The following UTP18 variants were observed in gnomAD, a reference collection of about 807,000 sequenced individuals.
The protein encoded by UTP18 is UTP18 small subunit processome component.
A neutral mutation model predicts 61.1 loss-of-function variants in UTP18; 36 were observed. The ratio of observed to expected loss-of-function variants is 0.59; its 90% CI spans 0.45 to 0.78. The LOEUF is 0.78. Among genes scored for constraint, UTP18 ranks in the 30% least tolerant of loss-of-function variants. UTP18 has a pLI of 0.00. For synonymous variants in UTP18, 282 were observed against 251.1 expected (o/e 1.12, Z -1.16); for missense variants, 753 against 693.9 (o/e 1.09, Z -0.96).
chr17:51,275,968 G>A lies in UTP18; in HGVS notation c.814G>A (p.Asp272Asn). 6.2e-7 allele frequency: 1 copy of A among 1,611,382 alleles called. No individual in the cohort carries two copies. The highest frequency in any genetic ancestry group is 1.1e-5 in the South Asian group (1 of 90,628). ...GAQIVMVAGL[D>N]NAVSLFQVDG... is the part of the protein sequence containing the mutation. Reference sequence around the variant, plus strand: ...ACAGATTGTGATGGTTGCTGGATTAGATAATGCTGTATCACTATTTCAGGT... The same window carrying A: ...ACAGATTGTGATGGTTGCTGGATTAAATAATGCTGTATCACTATTTCAGGT... The change falls in exon 6 of 14, where the codon GAT (aspartate) becomes AAT (asparagine). Residue 272 changes from aspartate to asparagine, a missense_variant. Transcript: ENST00000225298.
Position 51,263,302 on chromosome 17 carries a change from CAG to C in UTP18, c.373_374del (p.Glu125SerfsTer4). 1.2e-6 allele frequency: 2 copies of C among 1,614,152 alleles called. No individual in the cohort carries two copies. Among genetic ancestry groups the C allele is most frequent in the Non-Finnish European group, 1.7e-6 (2 of 1,180,018 alleles). On this transcript the variant is annotated frameshift_variant, in exon 2 of 14. Transcript: ENST00000225298. LOFTEE classifies it high-confidence loss of function. ...CAAGAACATGAAGACTCGGGTGACT[CAG>C]AAGTGGAGAATGAAGCAAAAGGTAA...
intron 12 of UTP18, 108 bp from the exon 13 acceptor site, chr17:51,296,857 T>A: frequency 9.9e-7 from 1 of 1,014,860 alleles, no homozygotes; most frequent in Non-Finnish European, 1.5e-6. Context: ...TGATTGTGAT[T>A]ACATATTTTT....
chr17:51,260,977 G>A, intron 1 of UTP18, 51 bp downstream of exon 1: 2 of 1,411,676 alleles, frequency 1.4e-6, no homozygotes, highest in Non-Finnish European at 1.8e-6. Flanking sequence ...GGGGCGCGCG[G>A]TGGGCGGTGA....
intron 9 of UTP18, among the ~76,000 whole-genome samples, chr17:51,281,164 A>ATATATATATTTTTT (rs59857038): frequency 5.7e-5 from 8 of 140,430 alleles, no homozygotes; most frequent in African/African-American, 2.1e-4. Flanking sequence ...ATATATATAT[A>ATATATATATTTTTT]TTTTTTTTAA....
intron 12 of UTP18, chr17:51,296,718 G>C (rs1006924592): frequency 9.4e-6 from 4 of 424,992 alleles, no homozygotes; most frequent in Non-Finnish European, 1.7e-5. Context: ...GTTTATGTCT[G>C]ATCAGGTATT....
chr17:51,279,294 T>C (rs896263465), intron 7 of UTP18, among the ~76,000 whole-genome samples: 2 of 152,196 alleles, frequency 1.3e-5, no homozygotes, highest in Non-Finnish European at 2.9e-5. Context: ...AACTTGGCTC[T>C]CTAAGCATTT....
Position 51,297,117 on chromosome 17 carries a change from A to G in UTP18, c.*14+114A>G, listed in dbSNP as rs543236767. 3.3e-5 allele frequency: 29 copies of G among 876,502 alleles called. No individual in the cohort carries two copies. In the Admixed American group the frequency reaches 5.3e-4, roughly 16 times the overall value. The allele number at this position is 876,502 out of a possible 1,614,324, so 54.3% of individuals were successfully genotyped here. A position where few individuals can be genotyped will look rare whatever the true frequency, so the allele number is the denominator to read the frequency against. On this transcript the variant is annotated intron_variant, in intron 13 of 13. Transcript: ENST00000225298. ...TGTTTCTCTACCCCTAAGTTACTGC[A>G]TCTTTATTTAGAGGGGTGGGTTGGA...
chr17:51,261,650 A>G (rs2055487540), intron 1 of UTP18, among the ~76,000 whole-genome samples: 1 of 152,310 alleles, frequency 6.6e-6, no homozygotes, highest in Admixed American at 6.5e-5. Flanking sequence ...TAGAGGAGAT[A>G]AACGAGTAAA....
chr17:51,261,033 C>T lies in UTP18; in HGVS notation c.342+107C>T, dbSNP rs528712489. 8.1e-4 allele frequency: 888 copies of T among 1,098,760 alleles called. 1 individual carries two copies. The highest frequency in any genetic ancestry group is 3.0e-3 in the Admixed American group (69 of 22,946). The allele number at this position is 1,098,760 out of a possible 1,614,324, so 68.1% of individuals were successfully genotyped here. On this transcript the variant is annotated intron_variant, in intron 1 of 13. Transcript: ENST00000225298. ...GGGCGACCTGCGGCGGCGGGGAGCG[C>T]TCAGGTGGGAGGGAGCCCGAGAACG... is the stretch of plus-strand genomic sequence containing the variant.
intron 1 of UTP18, among the ~76,000 whole-genome samples, chr17:51,261,207 C>T (rs530517746): frequency 6.6e-6 from 1 of 152,348 alleles, no homozygotes; most frequent in African/African-American, 2.4e-5. Context: ...GCATCTTTCG[C>T]TGCTGCTCGA....
intron 5 of UTP18, among the ~76,000 whole-genome samples, chr17:51,274,312 T>C (rs1177431815): frequency 6.6e-6 from 1 of 152,242 alleles, no homozygotes; most frequent in Non-Finnish European, 1.5e-5. Context: ...ATGTCTAGCA[T>C]GTTCATTATG....
chr17:51,280,002 T>C lies in UTP18; in HGVS notation c.1013-3T>C. 1.9e-6 allele frequency: 3 copies of C among 1,608,424 alleles called. No homozygotes were observed. Among genetic ancestry groups the C allele is most frequent in the Non-Finnish European group, 2.5e-6 (3 of 1,177,120 alleles). On this transcript the variant is annotated splice_region_variant and splice_polypyrimidine_tract_variant and intron_variant, in intron 7 of 13. Transcript: ENST00000225298. ...TATTTAATTGCTTCATTTCCTATTT[T>C]AGGTTTGAAAGAGAAGATAGTGAGG... is the stretch of plus-strand genomic sequence containing the variant.
chr17:51,294,221 T>C (rs1905303533), intron 12 of UTP18, among the ~76,000 whole-genome samples, 176 bp downstream of exon 12: 1 of 152,136 alleles, frequency 6.6e-6, no homozygotes, highest in African/African-American at 2.4e-5. Context: ...TATTATACTT[T>C]AAGTTTTAGG....
Position 51,266,268 on chromosome 17 carries a change from G to C in UTP18, c.542G>C (p.Arg181Thr). Reference sequence around the variant, plus strand: ...CTTTCGAAAGACAACCTTAAAAAGAGACTTAAAGAAGAGTAAGTGTCTTTT... The same window carrying C: ...CTTTCGAAAGACAACCTTAAAAAGACACTTAAAGAAGAGTAAGTGTCTTTT... Reference protein sequence around the residue: ...SKLSKDNLKKRLKEEFQHAMG... With the variant: ...SKLSKDNLKKTLKEEFQHAMG... Residue 181 changes from arginine to threonine, a missense_variant, in exon 3 of 14, where the codon AGA (arginine) becomes ACA (threonine). Arg to Thr is a moderately conservative substitution (Grantham distance 71). Coordinates refer to ENST00000225298, the MANE Select transcript of UTP18 (RefSeq NM_016001.3). 1 of 1,595,796 alleles carries C rather than the reference G, an allele frequency of 6.3e-7. No individual in the cohort carries two copies. The highest frequency in any genetic ancestry group is 8.5e-7 in the Non-Finnish European group (1 of 1,173,850).
At chr17:51,283,409 C>T (rs1262415643) in intron 9 of UTP18, among the ~76,000 whole-genome samples, 3 of 152,132 alleles carry the variant, frequency 2.0e-5, no homozygotes, top group Non-Finnish European at 4.4e-5. Flanking sequence ...CTCAGGTGAT[C>T]TGCCCGCCTT....
At chr17:51,278,308 A>T (rs916575794) in intron 7 of UTP18, among the ~76,000 whole-genome samples, 1 of 152,194 alleles carries the variant, frequency 6.6e-6, no homozygotes, top group Non-Finnish European at 1.5e-5. Context: ...GGTGATGGTG[A>T]TACTGTGTGG....
intron 12 of UTP18, 153 bp from the exon 13 acceptor site, chr17:51,296,812 G>C: frequency 1.6e-6 from 1 of 637,246 alleles, no homozygotes; most frequent in Non-Finnish European, 2.6e-6. Flanking sequence ...CAGAATGTCA[G>C]ATTGAGGAGT....
At chr17:51,296,730 C>CA in intron 12 of UTP18, 1 of 456,876 alleles carries the variant, frequency 2.2e-6, no homozygotes, top group Non-Finnish European at 3.9e-6. Context: ...TCAGGTATTT[C>CA]ATAGACCCCC....
chr17:51,266,124 C>A, intron 2 of UTP18, 58 bp from the exon 3 acceptor site: 1 of 1,308,606 alleles, frequency 7.6e-7, no homozygotes, highest in Non-Finnish European at 1.0e-6. Flanking sequence ...CTAAAAGCAG[C>A]AGCTATTTAT....
Sources: gnomAD v4.1 joint callset for allele counts (sites outside exome capture counted in the v4.1 genomes callset) on GRCh38, gnomAD v4.1.1 for gene constraint, MANE v1.5 for transcripts, NCBI Gene and HGNC (gene_info 2026-07-23, HGNC 2026-07-21) for gene names.